The following EPHA5 variants were observed in gnomAD, a reference collection of about 807,000 sequenced individuals.
EPHA5 encodes ephrin type-A receptor 5.
Under a neutral mutation model 105.0 loss-of-function variants are expected in EPHA5, and 60 were observed. The ratio of observed to expected loss-of-function variants is 0.57; its 90% CI spans 0.46 to 0.71. The LOEUF is 0.71. Among genes scored for constraint, EPHA5 ranks in the 30% least tolerant of loss-of-function variants. The pLI, the probability that EPHA5 is intolerant of heterozygous loss-of-function variation, is 0.00. For missense variants in EPHA5, 1,218 were observed against 1,274.7 expected (o/e 0.96, Z 0.68); for synonymous variants, 513 against 449.1 (o/e 1.14, Z -1.80).
chr4:65,562,465 C>A lies in EPHA5; in HGVS notation c.910+39176G>T, dbSNP rs1007239236. 2.0e-5 allele frequency among the ~76,000 whole-genome samples: 3 copies of A among 152,048 alleles called. No individual in the cohort carries two copies. The South Asian group carries it at 6.2e-4, about 31-fold the overall frequency. ...GGGAAAAAAGATGCATTTGGCTCTT[C>A]TTGAAACTAAATTTTAAATTGACAT... On this transcript the variant is annotated intron_variant, in intron 3 of 16. Coordinates refer to ENST00000613740, the MANE Select transcript of EPHA5 (RefSeq NM_001281766.3).
chr4:65,529,523 A>G (rs938243450), intron 3 of EPHA5, among the ~76,000 whole-genome samples: 1 of 152,166 alleles, frequency 6.6e-6, no homozygotes, highest in Non-Finnish European at 1.5e-5. Context: ...AAAACAACAA[A>G]AAAAGAAAGA....
At chr4:65,481,390 T>C (rs1244877329) in intron 5 of EPHA5, among the ~76,000 whole-genome samples, 6 of 152,196 alleles carry the variant, frequency 3.9e-5, no homozygotes, top group Non-Finnish European at 1.5e-5. Flanking sequence ...ATCATGAGCA[T>C]TGGAATATTT....
chr4:65,529,008 G>T (rs969142455), intron 3 of EPHA5, among the ~76,000 whole-genome samples: 3 of 152,100 alleles, frequency 2.0e-5, no homozygotes, highest in African/African-American at 7.2e-5. Flanking sequence ...AGGTAATATT[G>T]AAGTTATTTC....
At position 65,348,038 on chromosome 4, in the gene EPHA5, G is replaced by A. The variant is rs1560436695; in HGVS notation, c.2595+16C>T. 3 of 1,580,216 alleles carry A rather than the reference G, an allele frequency of 1.9e-6. No individual in the cohort carries two copies. In the South Asian group the frequency reaches 3.5e-5, roughly 19 times the overall value. On this transcript the variant is annotated intron_variant, in intron 14 of 16. Transcript: ENST00000613740. ...CATTTCATTGTCAAGTTGGGAAAGA[G>A]TAGTTCCATACTCACATCTTGATTG...
intron 5 of EPHA5, among the ~76,000 whole-genome samples, chr4:65,457,078 T>C (rs76444983): frequency 2.0e-5 from 3 of 148,368 alleles, no homozygotes; most frequent in South Asian, 2.2e-4. Flanking sequence ...GAAAAAAAAA[T>C]AGACTTTTAA....
intron 3 of EPHA5, among the ~76,000 whole-genome samples, chr4:65,583,407 T>G (rs1741832031): frequency 6.6e-6 from 1 of 152,012 alleles, no homozygotes; most frequent in South Asian, 2.1e-4. Flanking sequence ...CATTCGTCTT[T>G]AATCTTACTG....
intron 3 of EPHA5, among the ~76,000 whole-genome samples, chr4:65,538,956 C>T (rs138983672): frequency 2.6e-5 from 4 of 151,716 alleles, no homozygotes; most frequent in Non-Finnish European, 4.4e-5. Flanking sequence ...TATGATATCA[C>T]GAAGAGTAGC....
At chr4:65,503,555 C>T in intron 3 of EPHA5, among the ~76,000 whole-genome samples, 1 of 151,550 alleles carries the variant, frequency 6.6e-6, no homozygotes, top group East Asian at 1.9e-4. Context: ...ATCATTAAAT[C>T]TCTCAATACA....
At chr4:65,355,603 C>G (rs2148866614) in intron 11 of EPHA5, among the ~76,000 whole-genome samples, 1 of 151,554 alleles carries the variant, frequency 6.6e-6, no homozygotes, top group South Asian at 2.1e-4. Context: ...TATACCTCTC[C>G]CAGTAGTGAT....
At chr4:65,464,108 T>C (rs1035742791) in intron 5 of EPHA5, among the ~76,000 whole-genome samples, 11 of 151,960 alleles carry the variant, frequency 7.2e-5, no homozygotes, top group African/African-American at 2.4e-4. Flanking sequence ...AAAACTGTAG[T>C]ACCAGAGTAA....
At chr4:65,382,121 GA>G (rs1303001809) in intron 8 of EPHA5, among the ~76,000 whole-genome samples, 1 of 151,538 alleles carries the variant, frequency 6.6e-6, no homozygotes, top group African/African-American at 2.4e-5. Context: ...TCATCTTAAG[GA>G]AAAAGTCAAA....
intron 3 of EPHA5, among the ~76,000 whole-genome samples, chr4:65,511,062 C>A (rs755904151): frequency 1.3e-4 from 20 of 152,238 alleles, no homozygotes; most frequent in Non-Finnish European, 2.5e-4. Context: ...CAGCTGCCTG[C>A]AAGCCAGGAA....
chr4:65,630,287 C>A (rs931766919), intron 2 of EPHA5, among the ~76,000 whole-genome samples: 1 of 152,094 alleles, frequency 6.6e-6, no homozygotes, highest in East Asian at 1.9e-4. Context: ...TGGGCTCAAG[C>A]ATGTTCATTA....
chr4:65,489,925 AT>A (rs1308685509), intron 5 of EPHA5, among the ~76,000 whole-genome samples: 2 of 152,212 alleles, frequency 1.3e-5, no homozygotes, highest in Non-Finnish European at 2.9e-5. Flanking sequence ...ATATGAAAAG[AT>A]TTATGATCTG....
intron 2 of EPHA5, among the ~76,000 whole-genome samples, chr4:65,621,590 A>AC (rs1434714549): frequency 6.6e-6 from 1 of 152,188 alleles, no homozygotes; most frequent in Admixed American, 6.6e-5. Context: ...TTGTAGAACA[A>AC]ATAAATGAAG....
intron 2 of EPHA5, among the ~76,000 whole-genome samples, chr4:65,607,833 TA>T (rs2149451439): frequency 6.6e-6 from 1 of 152,270 alleles, no homozygotes. Context: ...CATTACTGGG[TA>T]TATATCCAAA....
intron 4 of EPHA5, 94 bp downstream of exon 4, chr4:65,495,294 G>T: frequency 7.8e-7 from 1 of 1,289,998 alleles, no homozygotes; most frequent in South Asian, 1.5e-5. Context: ...TCTGTTTTAG[G>T]GGGAAATGTT....
intron 3 of EPHA5, among the ~76,000 whole-genome samples, chr4:65,543,368 G>T (rs1441083661): frequency 2.0e-5 from 3 of 152,030 alleles, no homozygotes; most frequent in East Asian, 3.9e-4. Flanking sequence ...AGTAACTTCA[G>T]CAAACTCTCA....
chr4:65,445,886 T>C (rs1353329627), intron 5 of EPHA5, among the ~76,000 whole-genome samples: 4 of 152,182 alleles, frequency 2.6e-5, no homozygotes, highest in Non-Finnish European at 4.4e-5. Flanking sequence ...CAATTAGGGA[T>C]GGCGTGCTTC....
Sources: allele counts gnomAD v4.1 joint callset (sites outside exome capture counted in the v4.1 genomes callset), GRCh38; gene constraint gnomAD v4.1.1; transcripts MANE v1.5; gene names NCBI Gene and HGNC (gene_info 2026-07-23, HGNC 2026-07-21).